LRP2: variants seen among roughly 807,000 people sequenced by gnomAD.
LRP2 encodes LDL receptor related protein 2, also known as low-density lipoprotein receptor-related protein 2.
LRP2 carries 172 observed loss-of-function variants against 531.0 expected under a neutral mutation model. The ratio of observed to expected loss-of-function variants is 0.32; its 90% CI spans 0.29 to 0.37. The LOEUF is 0.37. Ranked by LOEUF, LRP2 falls within the 10% of genes least tolerant of loss-of-function variation. LRP2 has a pLI of 1.00. For missense variants in LRP2, 5,167 were observed against 5,868.3 expected, an observed-to-expected ratio of 0.88 and a Z score of 3.90; for synonymous variants, 1,992 against 2,027.6, an observed-to-expected ratio of 0.98 and a Z score of 0.47.
chr2:169,273,183 C>T (rs1161928558), intron 14 of LRP2, 116 bp from the exon 15 acceptor site: 27 of 1,213,204 alleles, frequency 2.2e-5, no homozygotes, highest in Admixed American at 5.2e-5. Flanking sequence ...GGATTAGCAA[C>T]GTGTTGAAAA....
chr2:169,176,533 C>G lies in LRP2; in HGVS notation c.10449G>C (p.Lys3483Asn). The G allele has an allele frequency of 6.2e-7, 1 of 1,614,198 alleles. No homozygotes were observed. The highest frequency in any genetic ancestry group is 8.5e-7 in the Non-Finnish European group (1 of 1,180,028). ...NGGCSHLCLIKPGGKGFTCEC... is the reference protein window; with the variant it reads ...NGGCSHLCLINPGGKGFTCEC... ...CGCAAGTGAACCCTTTTCCTCCTGG[C>G]TTGATGAGGCAGAGATGAGAACAGC... Residue 3483 changes from lysine (K) to asparagine (N), a missense_variant, in exon 54 of 79, where the codon AAG becomes AAC. Coordinates refer to ENST00000649046, the MANE Select transcript of LRP2 (RefSeq NM_004525.3).
intron 45 of LRP2, among the ~76,000 whole-genome samples, chr2:169,198,229 C>T (rs1688070476): frequency 6.6e-6 from 1 of 151,916 alleles, no homozygotes; most frequent in Non-Finnish European, 1.5e-5. Context: ...GCCTGGGTAA[C>T]ACAGAGAAAC....
At chr2:169,244,429 C>G (rs878906366) in intron 22 of LRP2, among the ~76,000 whole-genome samples, 18 of 152,128 alleles carry the variant, frequency 1.2e-4, no homozygotes, top group Admixed American at 1.0e-3. Flanking sequence ...CAATTCCTAT[C>G]TGAATTGAAA....
chr2:169,308,539 A>G (rs185256096), intron 3 of LRP2, among the ~76,000 whole-genome samples: 1 of 152,306 alleles, frequency 6.6e-6, no homozygotes, highest in Admixed American at 6.5e-5. Context: ...ATGTCCCTAC[A>G]AAGGACAGGA....
chr2:169,140,593 G>C lies in LRP2; in HGVS notation c.13109-48C>G, dbSNP rs192556959. The C allele has an allele frequency of 3.0e-3, 4,288 of 1,447,572 alleles. 24 individuals are homozygous for C. The highest frequency in any genetic ancestry group is 2.5e-3 in the Non-Finnish European group (2,593 of 1,029,400). The allele number at this position is 1,447,572 out of a possible 1,614,324, so 89.7% of individuals were successfully genotyped here. ...AGGTGTTAGTCAGCTGTACTCAGCA[G>C]AGTGCCCACACCATGCAAACCGGCC... On this transcript the variant is annotated intron_variant, in intron 71 of 78. Transcript: ENST00000649046.
chr2:169,162,735 G>T, intron 62 of LRP2, 135 bp from the exon 63 acceptor site: 1 of 924,352 alleles, frequency 1.1e-6, no homozygotes, highest in Non-Finnish European at 1.7e-6. Context: ...CTTGCAGCTG[G>T]GTTAGGACCA....
chr2:169,279,842 A>T (rs1574214912), intron 11 of LRP2, among the ~76,000 whole-genome samples: 1 of 152,192 alleles, frequency 6.6e-6, no homozygotes, highest in East Asian at 1.9e-4. Context: ...AAAAATCTCC[A>T]TTGCATTACT....
chr2:169,221,782 T>G (rs1011000060), intron 33 of LRP2, among the ~76,000 whole-genome samples: 10 of 152,122 alleles, frequency 6.6e-5, no homozygotes, highest in African/African-American at 2.4e-4. Flanking sequence ...TCACTCTTGC[T>G]TGGACTAAGG....
At chr2:169,214,014 T>C (rs1014942627) in intron 35 of LRP2, 144 bp from the exon 36 acceptor site, 6 of 677,776 alleles carry the variant, frequency 8.9e-6, no homozygotes, top group African/African-American at 5.4e-5. Flanking sequence ...TATTTTCTGA[T>C]TTGATCATCA....
intron 52 of LRP2, among the ~76,000 whole-genome samples, chr2:169,178,997 A>G (rs1323718286): frequency 6.7e-6 from 1 of 150,126 alleles, no homozygotes; most frequent in Non-Finnish European, 1.5e-5. Context: ...TTATTTATTT[A>G]TTTATTTATT....
At chr2:169,214,060 T>C (rs1688690760) in intron 35 of LRP2, among the ~76,000 whole-genome samples, 190 bp from the exon 36 acceptor site, 1 of 152,184 alleles carries the variant, frequency 6.6e-6, no homozygotes, top group South Asian at 2.1e-4. Context: ...AAAATGTCAC[T>C]GTGCCCCTTT....
At chr2:169,207,807 C>T (rs540880809) in intron 38 of LRP2, among the ~76,000 whole-genome samples, 1 of 152,252 alleles carries the variant, frequency 6.6e-6, no homozygotes, top group Non-Finnish European at 1.5e-5. Flanking sequence ...GTCCATTTCC[C>T]TTTGGGCCTT....
At chr2:169,267,116 C>G (rs1683229497) in intron 16 of LRP2, among the ~76,000 whole-genome samples, 1 of 151,582 alleles carries the variant, frequency 6.6e-6, no homozygotes, top group African/African-American at 2.4e-5. Context: ...TCTCAAACTC[C>G]CGGCCTCAAG....
At chr2:169,168,202 A>G (rs1394403201) in intron 61 of LRP2, among the ~76,000 whole-genome samples, 1 of 151,560 alleles carries the variant, frequency 6.6e-6, no homozygotes, top group East Asian at 1.9e-4. Flanking sequence ...AGTAGGATAC[A>G]GCAGGAGAGG....
At chr2:169,176,627 AAGAG>A (rs778341376) in intron 53 of LRP2, 39 bp from the exon 54 acceptor site, 50 of 1,580,734 alleles carry the variant, frequency 3.2e-5, no homozygotes, top group Non-Finnish European at 4.3e-5. Context: ...CATTTGCTGA[AAGAG>A]AGTATCAAGC....
rs756813419 is a variant in LRP2 at position 169,128,777 on chromosome 2, C to T, written c.13854G>A (p.Ser4618=). 3 of 1,613,958 alleles carry T rather than the reference C, an allele frequency of 1.9e-6. No homozygotes were observed. Among genetic ancestry groups the T allele is most frequent in the Non-Finnish European group, 2.5e-6 (3 of 1,179,966 alleles). ...AAGGAGGCTTAGGCTTAGCAGGGAG[C>T]GAAGGTGATGGAGGTGGTGTCGCAG... ...SVAATPPPSP[S]LPAKPKPPSR... The change falls in exon 79 of 79, where the codon TCG becomes TCA. Residue 4618 remains serine, a synonymous_variant. Transcript: ENST00000649046.
chr2:169,255,990 T>C, intron 19 of LRP2, 116 bp downstream of exon 19: 2 of 1,087,932 alleles, frequency 1.8e-6, no homozygotes, highest in East Asian at 5.2e-5. Context: ...TTAAATTTTT[T>C]CATTTTAAAG....
intron 5 of LRP2, 55 bp from the exon 6 acceptor site, chr2:169,294,316 C>A: frequency 9.6e-7 from 1 of 1,038,484 alleles, no homozygotes; most frequent in East Asian, 2.4e-5. Context: ...TCCATTGTAG[C>A]CATTTAATCT....
At chr2:169,202,671 A>C (rs761078984) in intron 43 of LRP2, 85 bp downstream of exon 43, 26 of 1,384,712 alleles carry the variant, frequency 1.9e-5, no homozygotes, top group Non-Finnish European at 2.7e-5. Context: ...TTTCAAACAC[A>C]TTCACACATA....
Sources: gnomAD v4.1 joint callset for allele counts (sites outside exome capture counted in the v4.1 genomes callset) on GRCh38, gnomAD v4.1.1 for gene constraint, MANE v1.5 for transcripts, NCBI Gene and HGNC (gene_info 2026-07-23, HGNC 2026-07-21) for gene names.